SPOCK1: variants seen among roughly 807,000 people sequenced by gnomAD.
SPOCK1 encodes the protein SPARC (osteonectin), cwcv and kazal like domains proteoglycan 1, also known as testican-1.
In SPOCK1, 23 loss-of-function variants were observed where a neutral mutation model predicts 55.3. The ratio of observed to expected loss-of-function variants is 0.42; its 90% CI spans 0.30 to 0.59. SPOCK1 has a LOEUF of 0.59. Among genes scored for constraint, SPOCK1 ranks in the 20% least tolerant of loss-of-function variants. SPOCK1 has a pLI of 0.22. For synonymous variants in SPOCK1, 226 were observed against 221.0 expected (o/e 1.02, Z -0.20); for missense variants, 499 against 552.5 (o/e 0.90, Z 0.97).
At chr5:137,349,163 C>T (rs1162860835) in intron 2 of SPOCK1, among the ~76,000 whole-genome samples, 1 of 152,180 alleles carries the variant, frequency 6.6e-6, no homozygotes, top group East Asian at 1.9e-4. Context: ...AGATGCCTTC[C>T]CCATGGCTGC....
At chr5:137,499,118 G>A (rs1754383802) in intron 1 of SPOCK1, 61 bp downstream of exon 1, 1 of 152,324 alleles carries the variant, frequency 6.6e-6, no homozygotes, top group South Asian at 2.1e-4. Flanking sequence ...AGCCCCCTAG[G>A]CGGCCGCGGG....
At chr5:137,316,250 GCCCTCAAATCAT>G (rs1217055204) in intron 2 of SPOCK1, among the ~76,000 whole-genome samples, 1 of 152,200 alleles carries the variant, frequency 6.6e-6, no homozygotes, top group Non-Finnish European at 1.5e-5. Flanking sequence ...TGAAGGACAT[GCCCTCAAATCAT>G]CTCTCAAAGG....
intron 6 of SPOCK1, among the ~76,000 whole-genome samples, chr5:137,033,279 A>G (rs1055062452): frequency 3.9e-5 from 6 of 152,208 alleles, no homozygotes; most frequent in Non-Finnish European, 8.8e-5. Flanking sequence ...TGGAGCCACA[A>G]TGTCAGTAAG....
intron 2 of SPOCK1, among the ~76,000 whole-genome samples, chr5:137,358,468 G>A (rs1177897622): frequency 2.1e-5 from 3 of 144,024 alleles, no homozygotes; most frequent in Non-Finnish European, 3.1e-5. Context: ...GGGAGGGGAG[G>A]GGAGGGGAGG....
chr5:137,395,419 G>A (rs996915885), intron 2 of SPOCK1, among the ~76,000 whole-genome samples: 1 of 152,174 alleles, frequency 6.6e-6, no homozygotes, highest in Non-Finnish European at 1.5e-5. Context: ...TGACAAACAG[G>A]ACACATTTTC....
chr5:137,251,096 T>C (rs937745785), intron 3 of SPOCK1, among the ~76,000 whole-genome samples: 1 of 152,172 alleles, frequency 6.6e-6, no homozygotes, highest in Non-Finnish European at 1.5e-5. Flanking sequence ...AAGTCTCTAA[T>C]GCAGCAGGGT....
At chr5:137,285,559 GGTTA>G (rs1757247663) in intron 2 of SPOCK1, among the ~76,000 whole-genome samples, 1 of 152,084 alleles carries the variant, frequency 6.6e-6, no homozygotes, top group Non-Finnish European at 1.5e-5. Flanking sequence ...GCTTAAACAT[GGTTA>G]TTTATTAGAA....
At chr5:137,107,591 C>G (rs1753393098) in intron 5 of SPOCK1, among the ~76,000 whole-genome samples, 1 of 152,188 alleles carries the variant, frequency 6.6e-6, no homozygotes, top group African/African-American at 2.4e-5. Flanking sequence ...TTTCTGTGCA[C>G]TTTATCTTTG....
intron 3 of SPOCK1, among the ~76,000 whole-genome samples, chr5:137,185,964 G>A (rs1755061372): frequency 6.6e-6 from 1 of 152,224 alleles, no homozygotes; most frequent in African/African-American, 2.4e-5. Flanking sequence ...TAAAGGGGCA[G>A]AAGCGGGAAA....
At chr5:137,313,920 C>A (rs1391713194) in intron 2 of SPOCK1, among the ~76,000 whole-genome samples, 1 of 149,274 alleles carries the variant, frequency 6.7e-6, no homozygotes, top group Non-Finnish European at 1.5e-5. Flanking sequence ...ACGCTCACAA[C>A]AGGGAGATAA....
chr5:137,008,130 G>C (rs575765767), intron 6 of SPOCK1, among the ~76,000 whole-genome samples: 1 of 150,594 alleles, frequency 6.6e-6, no homozygotes, highest in East Asian at 2.0e-4. Flanking sequence ...CACACACTGG[G>C]GCCTGTCGGG....
chr5:137,297,661 G>T (rs964986344), intron 2 of SPOCK1, among the ~76,000 whole-genome samples: 2 of 152,136 alleles, frequency 1.3e-5, no homozygotes, highest in Non-Finnish European at 2.9e-5. Context: ...GGAACAGGGT[G>T]GGGAGGTGGG....
intron 3 of SPOCK1, among the ~76,000 whole-genome samples, chr5:137,189,926 C>T (rs557074798): frequency 6.6e-6 from 1 of 151,166 alleles, no homozygotes; most frequent in South Asian, 2.1e-4. Context: ...TTGAGGGGTA[C>T]AAGACTTCAT....
intron 2 of SPOCK1, among the ~76,000 whole-genome samples, chr5:137,302,291 T>G (rs186732714): frequency 6.6e-6 from 1 of 152,010 alleles, no homozygotes; most frequent in African/African-American, 2.4e-5. Flanking sequence ...GTTTATAGGC[T>G]GGGCGCGGTG....
chr5:137,004,743 C>T (rs1751213545), intron 6 of SPOCK1, among the ~76,000 whole-genome samples: 1 of 151,970 alleles, frequency 6.6e-6, no homozygotes, highest in Middle Eastern at 3.2e-3. Flanking sequence ...GGAGATATAT[C>T]CCCAGGCTTG....
intron 2 of SPOCK1, among the ~76,000 whole-genome samples, chr5:137,376,098 C>T (rs898038485): frequency 6.6e-6 from 1 of 152,214 alleles, no homozygotes; most frequent in Non-Finnish European, 1.5e-5. Context: ...AAGCCAACAG[C>T]CCACCAGGCT....
chr5:137,103,663 G>A (rs886596041), intron 5 of SPOCK1, among the ~76,000 whole-genome samples: 1 of 152,188 alleles, frequency 6.6e-6, no homozygotes, highest in Non-Finnish European at 1.5e-5. Flanking sequence ...ATAAGCCTCT[G>A]TTTAATTTGG....
chr5:137,239,586 C>T (rs1000664528), intron 3 of SPOCK1, among the ~76,000 whole-genome samples: 1 of 151,912 alleles, frequency 6.6e-6, no homozygotes, highest in Non-Finnish European at 1.5e-5. Flanking sequence ...GATCTGACAC[C>T]AACTCCAAGT....
intron 5 of SPOCK1, among the ~76,000 whole-genome samples, chr5:137,088,583 CCA>C (rs1753001804): frequency 6.6e-6 from 1 of 152,170 alleles, no homozygotes; most frequent in South Asian, 2.1e-4. Context: ...ACCTTCACCC[CCA>C]GTCCTCCAGA....
Sources: gnomAD v4.1 joint callset for allele counts (sites outside exome capture counted in the v4.1 genomes callset) on GRCh38, gnomAD v4.1.1 for gene constraint, MANE v1.5 for transcripts, NCBI Gene and HGNC (gene_info 2026-07-23, HGNC 2026-07-21) for gene names.